Variants in PALS2 observed in about 807,000 individuals in gnomAD.
PALS2 encodes the protein protein PALS2.
A neutral mutation model predicts 61.6 loss-of-function variants in PALS2; 27 were observed. That is an observed-to-expected ratio of 0.44 (90% confidence interval 0.32 to 0.60). The LOEUF (loss-of-function observed/expected upper bound fraction) is 0.60. Ranked by LOEUF, PALS2 falls within the 20% of genes least tolerant of loss-of-function variation. PALS2 has a pLI of 0.05. For missense variants in PALS2, 554 were observed against 639.4 expected (o/e 0.87, Z 1.44); for synonymous variants, 236 against 218.6 (o/e 1.08, Z -0.70).
At chr7:24,613,029 A>G (rs1784168341) in intron 1 of PALS2, among the ~76,000 whole-genome samples, 1 of 151,786 alleles carries the variant, frequency 6.6e-6, no homozygotes, top group Admixed American at 6.6e-5. Flanking sequence ...TCTATCTGAT[A>G]TATCTTAAGC....
intron 1 of PALS2, among the ~76,000 whole-genome samples, chr7:24,600,718 T>C (rs1292850126): frequency 3.9e-5 from 6 of 152,172 alleles, no homozygotes; most frequent in Non-Finnish European, 5.9e-5. Flanking sequence ...TCTTACGTTT[T>C]AGTTGAATGT....
chr7:24,676,202 G>A (rs901446894), intron 9 of PALS2, among the ~76,000 whole-genome samples: 30 of 151,824 alleles, frequency 2.0e-4, no homozygotes, highest in Admixed American at 5.9e-4. Flanking sequence ...CATGTCCTTC[G>A]CCCACTTTTT....
intron 1 of PALS2, among the ~76,000 whole-genome samples, chr7:24,576,665 T>G (rs1373994609): frequency 6.6e-6 from 1 of 152,230 alleles, no homozygotes; most frequent in East Asian, 1.9e-4. Flanking sequence ...TTAGAAGCAG[T>G]GTAGGTTTAA....
rs1241325664 is a variant in PALS2, at chr7:24,596,240, A to G, written c.-3+22647A>G. Among the ~76,000 whole-genome samples the G allele has an allele frequency of 1.3e-5, 2 of 152,164 alleles. No individual in the cohort carries two copies. Among genetic ancestry groups the G allele is most frequent in the African/African-American group, 4.8e-5 (2 of 41,448 alleles). ...AAGTGACTACTGCAGCAGACAGGCA[A>G]GAATTGATGGTGGCTTAGCGTAGGG... On this transcript the variant is annotated intron_variant, in intron 1 of 11. Coordinates refer to ENST00000222644, the MANE Select transcript of PALS2 (RefSeq NM_001303037.2). The surrounding 1 kb of genome is among the most constrained non-coding windows in gnomAD (Gnocchi z 4.5).
At chr7:24,681,669 C>T (rs1296996345) in intron 11 of PALS2, among the ~76,000 whole-genome samples, 1 of 151,954 alleles carries the variant, frequency 6.6e-6, no homozygotes, top group Non-Finnish European at 1.5e-5. Context: ...GCCTACCTAA[C>T]ATGTACAGCT....
chr7:24,635,006 A>C (rs974018710), intron 2 of PALS2, among the ~76,000 whole-genome samples: 1 of 152,174 alleles, frequency 6.6e-6, no homozygotes, highest in African/African-American at 2.4e-5. Context: ...AGGAAATGTA[A>C]GTACTCCCAT....
intron 2 of PALS2, among the ~76,000 whole-genome samples, chr7:24,640,480 G>A (rs988802441): frequency 6.6e-6 from 1 of 152,152 alleles, no homozygotes; most frequent in African/African-American, 2.4e-5. Context: ...GTTACCACTT[G>A]AAATGTGGAT....
intron 1 of PALS2, among the ~76,000 whole-genome samples, chr7:24,612,243 C>A (rs1406152045): frequency 6.6e-6 from 1 of 151,912 alleles, no homozygotes; most frequent in Non-Finnish European, 1.5e-5. Context: ...CCTAGGCCCA[C>A]TGATTTGAAA....
In PALS2 at chr7:24,649,772, C is replaced by T. The variant is rs929401; in HGVS notation, c.423+8C>T. ...AGAGCTGGGGAACCACTGGTGAGTA[C>T]AGATAAATCAGTACCCTATTAAATC... On this transcript the variant is annotated splice_region_variant and intron_variant, in intron 4 of 11. Coordinates refer to ENST00000222644, the MANE Select transcript of PALS2 (RefSeq NM_001303037.2). 92,379 of 1,583,780 alleles carry T rather than the reference C, an allele frequency of 0.058. 3,059 individuals are homozygous for T. Among genetic ancestry groups the T allele is most frequent in the African/African-American group, 0.12 (8,587 of 73,514 alleles).
At chr7:24,605,614 A>G (rs1264116480) in intron 1 of PALS2, among the ~76,000 whole-genome samples, 2 of 152,196 alleles carry the variant, frequency 1.3e-5, no homozygotes, top group Non-Finnish European at 2.9e-5. Flanking sequence ...GAATAGGTCT[A>G]TAAAGACATA....
rs921981720 is a variant in PALS2 at position 24,581,287 on chromosome 7, G to A, written c.-3+7694G>A. On this transcript the variant is annotated intron_variant, in intron 1 of 11. Coordinates refer to ENST00000222644, the MANE Select transcript of PALS2 (RefSeq NM_001303037.2). ...TGTGTGTGTGTGTGTGTGTGTGTGT[G>A]TGTCAGAGAGAAAGGGAAATCTCCC... Among the ~76,000 whole-genome samples the A allele has an allele frequency of 1.2e-4, 17 of 139,122 alleles. No homozygotes were observed. The East Asian group carries it at 3.0e-3, about 25-fold the overall frequency. 91.3% of individuals were successfully genotyped at this position (139,122 alleles called of 152,430 possible).
intron 1 of PALS2, among the ~76,000 whole-genome samples, chr7:24,590,023 T>A (rs1783222593): frequency 6.6e-6 from 1 of 152,150 alleles, no homozygotes. Context: ...TTCCAAATGC[T>A]CACTGGGGAG....
chr7:24,642,378 A>G (rs1785602632), intron 3 of PALS2, among the ~76,000 whole-genome samples: 1 of 152,188 alleles, frequency 6.6e-6, no homozygotes, highest in South Asian at 2.1e-4. Context: ...AGAGTTCATC[A>G]GTTTTACAAA....
chr7:24,680,041 A>G (rs1260046160), intron 10 of PALS2, among the ~76,000 whole-genome samples: 2 of 152,166 alleles, frequency 1.3e-5, no homozygotes, highest in Admixed American at 1.3e-4. Context: ...GTATGAATAT[A>G]TATTCATTTA....
chr7:24,619,968 T>A (rs1469688486), intron 1 of PALS2: 2 of 152,102 alleles, frequency 1.3e-5, no homozygotes, highest in Non-Finnish European at 2.9e-5. Context: ...ATTTTATATA[T>A]TAAGTTTTTA....
At chr7:24,656,387 T>A (rs1262824683) in intron 5 of PALS2, among the ~76,000 whole-genome samples, 1 of 152,234 alleles carries the variant, frequency 6.6e-6, no homozygotes, top group Non-Finnish European at 1.5e-5. Context: ...TCTTTACTTT[T>A]AAAAATATCC....
intron 5 of PALS2, among the ~76,000 whole-genome samples, chr7:24,652,684 A>T (rs1363894171): frequency 6.6e-6 from 1 of 152,082 alleles, no homozygotes; most frequent in Non-Finnish European, 1.5e-5. Flanking sequence ...TCCTACTGAG[A>T]TGCTATAGGG....
At chr7:24,644,667 T>C (rs147570186) in intron 3 of PALS2, among the ~76,000 whole-genome samples, 2,477 of 152,254 alleles carry the variant, frequency 0.016, 80 homozygotes, top group African/African-American at 0.057. Flanking sequence ...TACCCAGTAA[T>C]GGGATTGCTG....
intron 1 of PALS2, among the ~76,000 whole-genome samples, chr7:24,619,042 T>C (rs1784395570): frequency 6.6e-6 from 1 of 152,244 alleles, no homozygotes; most frequent in Admixed American, 6.5e-5. Flanking sequence ...GACTTACTGA[T>C]TGAATCTATC....
Sources: allele counts gnomAD v4.1 joint callset (sites outside exome capture counted in the v4.1 genomes callset), GRCh38; gene constraint gnomAD v4.1.1; non-coding constraint Gnocchi (gnomAD v3.1); transcripts MANE v1.5; gene names NCBI Gene and HGNC (gene_info 2026-07-23, HGNC 2026-07-21).